The following ITGBL1 variants were observed in gnomAD, a reference collection of about 807,000 sequenced individuals.
ITGBL1 encodes the protein integrin beta-like protein 1.
In ITGBL1, 51 loss-of-function variants were observed where a neutral mutation model predicts 68.5. The observed-to-expected ratio is 0.74, with a 90% CI of 0.59 to 0.94. The LOEUF (loss-of-function observed/expected upper bound fraction) is 0.94, where lower values mean the gene tolerates loss of function less well. Ranked by LOEUF, ITGBL1 falls within the 40% of genes least tolerant of loss-of-function variation. ITGBL1 has a pLI of 0.00. For missense variants in ITGBL1, 649 were observed against 647.4 expected (o/e 1.00, Z -0.03); for synonymous variants, 209 against 227.3 (o/e 0.92, Z 0.72).
intron 8 of ITGBL1, among the ~76,000 whole-genome samples, chr13:101,704,801 A>G (rs1356512750): frequency 6.6e-6 from 1 of 152,220 alleles, no homozygotes; most frequent in Non-Finnish European, 1.5e-5. Context: ...GTTTACATGC[A>G]TGCTACTTTT....
At chr13:101,578,921 T>C (rs2050407811) in intron 4 of ITGBL1, among the ~76,000 whole-genome samples, 1 of 152,232 alleles carries the variant, frequency 6.6e-6, no homozygotes, top group South Asian at 2.1e-4. Context: ...TGAAATATTT[T>C]AATAACTAAT....
chr13:101,683,994 T>C (rs2033699967), intron 7 of ITGBL1, among the ~76,000 whole-genome samples: 2 of 152,128 alleles, frequency 1.3e-5, no homozygotes, highest in Admixed American at 6.6e-5. Context: ...GTCACTGATA[T>C]CATCTCTCAT....
chr13:101,537,333 T>C (rs2049596632), intron 2 of ITGBL1, among the ~76,000 whole-genome samples: 2 of 152,000 alleles, frequency 1.3e-5, no homozygotes, highest in South Asian at 4.1e-4. Context: ...TTAGGAAATA[T>C]TTAAAATGGA....
rs377184796 is a variant in ITGBL1 at position 101,697,303 on chromosome 13, A to G, written c.1132+4602A>G. 3.6e-4 allele frequency among the ~76,000 whole-genome samples: 55 copies of G among 152,298 alleles called. 1 individual carries two copies. The East Asian group carries it at 0.01, about 29-fold the overall frequency. On this transcript the variant is annotated intron_variant, in intron 8 of 10. Coordinates refer to ENST00000376180, the MANE Select transcript of ITGBL1 (RefSeq NM_004791.3). Reference sequence around the variant, plus strand: ...ACCCATTAATTGATCATCCTAGAATAATATCTGATGACACTATGTTGTATT... The same window carrying G: ...ACCCATTAATTGATCATCCTAGAATGATATCTGATGACACTATGTTGTATT...
rs1404689939 is a variant in ITGBL1, at chr13:101,632,161, A to G, written c.1015+33862A>G. 2.0e-5 allele frequency among the ~76,000 whole-genome samples: 3 copies of G among 152,126 alleles called. No homozygotes were observed. The East Asian group carries it at 5.8e-4, about 29-fold the overall frequency. ...TCTCTCTCTCTCTCTATATATATAT[A>G]TATCTGACAATAAGCTATACCTAAA... On this transcript the variant is annotated intron_variant, in intron 7 of 10. Coordinates refer to ENST00000376180, the MANE Select transcript of ITGBL1 (RefSeq NM_004791.3).
At chr13:101,569,003 A>C (rs2050226224) in intron 3 of ITGBL1, among the ~76,000 whole-genome samples, 1 of 143,614 alleles carries the variant, frequency 7.0e-6, no homozygotes, top group African/African-American at 2.6e-5. Context: ...TCTACGTCCA[A>C]TTCATAACAC....
intron 2 of ITGBL1, among the ~76,000 whole-genome samples, chr13:101,566,392 A>G (rs2050183942): frequency 6.6e-6 from 1 of 152,168 alleles, no homozygotes; most frequent in Non-Finnish European, 1.5e-5. Flanking sequence ...AATATTTTGT[A>G]GGGCCAGGCA....
chr13:101,470,206 C>T (rs571129343), intron 2 of ITGBL1, among the ~76,000 whole-genome samples: 1 of 152,202 alleles, frequency 6.6e-6, no homozygotes, highest in Non-Finnish European at 1.5e-5. Flanking sequence ...CTTAGCTAAC[C>T]TTGGAAGCTC....
intron 7 of ITGBL1, among the ~76,000 whole-genome samples, chr13:101,680,377 A>G (rs1313803217): frequency 2.0e-5 from 3 of 151,948 alleles, no homozygotes; most frequent in African/African-American, 4.8e-5. Context: ...TTACTCCCCA[A>G]CTATTGAGCA....
chr13:101,607,193 A>T (rs1389987369), intron 7 of ITGBL1, among the ~76,000 whole-genome samples: 2 of 152,060 alleles, frequency 1.3e-5, no homozygotes, highest in African/African-American at 4.8e-5. Flanking sequence ...TCCTAAAAAC[A>T]CAATGAGGTA....
intron 7 of ITGBL1, among the ~76,000 whole-genome samples, chr13:101,652,755 G>T (rs902829057): frequency 1.3e-5 from 2 of 152,098 alleles, no homozygotes; most frequent in African/African-American, 2.4e-5. Flanking sequence ...TGCACGAGAA[G>T]GAAATAGACG....
chr13:101,690,891 A>G (rs2033869840), intron 7 of ITGBL1, among the ~76,000 whole-genome samples: 1 of 144,596 alleles, frequency 6.9e-6, no homozygotes, highest in South Asian at 2.3e-4. Flanking sequence ...AACAAAACCA[A>G]CTTCATTAAA....
At chr13:101,545,604 C>A (rs1414463628) in intron 2 of ITGBL1, among the ~76,000 whole-genome samples, 1 of 152,080 alleles carries the variant, frequency 6.6e-6, no homozygotes, top group Non-Finnish European at 1.5e-5. Context: ...AAAAAAACGA[C>A]ATATAATTCA....
chr13:101,491,814 C>T (rs373226869), intron 2 of ITGBL1, among the ~76,000 whole-genome samples: 33 of 152,180 alleles, frequency 2.2e-4, no homozygotes, highest in African/African-American at 7.9e-4. Context: ...GTGTGATGTT[C>T]CCCTCCCTGG....
chr13:101,579,469 C>A (rs760485353), intron 5 of ITGBL1, 42 bp downstream of exon 5: 2 of 1,593,666 alleles, frequency 1.3e-6, no homozygotes, highest in African/African-American at 1.3e-5. Flanking sequence ...GGGAGGCAAA[C>A]AAAGCTTTTA....
intron 6 of ITGBL1, among the ~76,000 whole-genome samples, chr13:101,590,325 TAAG>T (rs1237096470): frequency 6.6e-6 from 1 of 152,166 alleles, no homozygotes; most frequent in African/African-American, 2.4e-5. Flanking sequence ...CTATGCAACT[TAAG>T]AACGTTCTCC....
chr13:101,522,379 T>C (rs532946104), intron 2 of ITGBL1, among the ~76,000 whole-genome samples: 4 of 152,284 alleles, frequency 2.6e-5, no homozygotes, highest in Admixed American at 6.5e-5. Flanking sequence ...CTCTTACTAT[T>C]CCCTCCCTCC....
chr13:101,642,703 C>G (rs975671264), intron 7 of ITGBL1, among the ~76,000 whole-genome samples: 1 of 151,222 alleles, frequency 6.6e-6, no homozygotes, highest in Non-Finnish European at 1.5e-5. Context: ...TTAGGTCTAA[C>G]GTTTAAGTCT....
intron 2 of ITGBL1, among the ~76,000 whole-genome samples, chr13:101,528,847 A>C (rs1360129714): frequency 6.6e-6 from 1 of 152,038 alleles, no homozygotes; most frequent in South Asian, 2.1e-4. Flanking sequence ...CCATAGTAAG[A>C]TATTGTAAGA....
Sources: allele counts gnomAD v4.1 joint callset (sites outside exome capture counted in the v4.1 genomes callset), GRCh38; gene constraint gnomAD v4.1.1; transcripts MANE v1.5; gene names NCBI Gene and HGNC (gene_info 2026-07-23, HGNC 2026-07-21).